FMNL2: variants seen among roughly 807,000 people sequenced by gnomAD.
FMNL2 encodes the protein formin like 2.
In FMNL2, 51 loss-of-function variants were observed where a neutral mutation model predicts 130.2. The observed-to-expected ratio is 0.39, with a 90% CI of 0.31 to 0.49. The LOEUF (loss-of-function observed/expected upper bound fraction) is 0.49, where lower values mean the gene tolerates loss of function less well. Among genes scored for constraint, FMNL2 ranks in the 20% least tolerant of loss-of-function variants. The pLI is 0.85. For missense variants in FMNL2, 977 were observed against 1,316.2 expected (o/e 0.74, Z 3.99); for synonymous variants, 465 against 467.1 (o/e 1.00, Z 0.06).
chr2:152,415,631 G>C (rs562313984), intron 1 of FMNL2, among the ~76,000 whole-genome samples: 1 of 146,646 alleles, frequency 6.8e-6, no homozygotes, highest in African/African-American at 2.5e-5. Context: ...GAGTTCAAGA[G>C]AATTTTTTCC....
intron 1 of FMNL2, among the ~76,000 whole-genome samples, chr2:152,458,604 A>G (rs1357443696): frequency 6.6e-6 from 1 of 152,212 alleles, no homozygotes; most frequent in Admixed American, 6.5e-5. Context: ...TGCTCTTTCC[A>G]TCTATACCAC....
At chr2:152,505,773 C>T (rs1182271980) in intron 1 of FMNL2, among the ~76,000 whole-genome samples, 2 of 152,192 alleles carry the variant, frequency 1.3e-5, no homozygotes, top group African/African-American at 4.8e-5. Context: ...AAACTGAAAC[C>T]CAGAATCACA....
At chr2:152,611,066 C>T (rs533400176) in intron 10 of FMNL2, among the ~76,000 whole-genome samples, 13 of 152,330 alleles carry the variant, frequency 8.5e-5, no homozygotes, top group Admixed American at 3.3e-4. Context: ...AGAGGCCGGG[C>T]GCAGTGGGTC....
In FMNL2 at chr2:152,619,672, G is replaced by C; in HGVS notation, c.1791G>C (p.Leu597=). Residue 597 remains leucine, a synonymous_variant, in exon 15 of 26, where the codon CTG becomes CTC. Transcript: ENST00000288670. ...CTCCCCTTCCCTCTGCACCTCCGCT[G>C]CCTGGAACATCTTCACCCACAGTGG... ...LAPPLPSAPP[L]PGTSSPTVVF... 1 of 1,609,260 alleles carries C rather than the reference G, an allele frequency of 6.2e-7. No individual in the cohort carries two copies. The highest frequency in any genetic ancestry group is 8.5e-7 in the Non-Finnish European group (1 of 1,177,904).
At chr2:152,490,697 T>C (rs1289560581) in intron 1 of FMNL2, among the ~76,000 whole-genome samples, 8 of 147,234 alleles carry the variant, frequency 5.4e-5, no homozygotes, top group African/African-American at 2.0e-4. Context: ...CCTTCCACAT[T>C]GGCTAAAACT....
chr2:152,396,785 G>A (rs191481572), intron 1 of FMNL2, among the ~76,000 whole-genome samples: 9 of 152,132 alleles, frequency 5.9e-5, no homozygotes, highest in African/African-American at 2.2e-4. Flanking sequence ...TCATGCTCAT[G>A]TGACTTTCCA....
intron 1 of FMNL2, among the ~76,000 whole-genome samples, chr2:152,473,120 G>T (rs2105190719): frequency 6.6e-6 from 1 of 152,296 alleles, no homozygotes; most frequent in South Asian, 2.1e-4. Context: ...ATATGGAAAA[G>T]AAATACAGTA....
At chr2:152,599,109 T>C (rs1697910303) in intron 9 of FMNL2, among the ~76,000 whole-genome samples, 1 of 152,224 alleles carries the variant, frequency 6.6e-6, no homozygotes, top group South Asian at 2.1e-4. Context: ...CCTCAGTGGA[T>C]TGGAGACGCC....
At chr2:152,554,737 G>GCTCA (rs946848636) in intron 4 of FMNL2, among the ~76,000 whole-genome samples, 4 of 152,120 alleles carry the variant, frequency 2.6e-5, no homozygotes, top group African/African-American at 9.7e-5. Flanking sequence ...GAAAGGATGG[G>GCTCA]CTCACTTCAT....
chr2:152,499,283 A>G (rs952568897), intron 1 of FMNL2, among the ~76,000 whole-genome samples: 2 of 152,218 alleles, frequency 1.3e-5, no homozygotes, highest in African/African-American at 4.8e-5. Flanking sequence ...GGCACAAAGG[A>G]ATGAATGAAT....
chr2:152,433,953 A>T (rs1226368876), intron 1 of FMNL2, among the ~76,000 whole-genome samples: 3 of 152,126 alleles, frequency 2.0e-5, no homozygotes, highest in Non-Finnish European at 4.4e-5. Context: ...CCAAACAACG[A>T]ATTATTATTA....
At chr2:152,449,376 A>G (rs542420821) in intron 1 of FMNL2, among the ~76,000 whole-genome samples, 1 of 152,178 alleles carries the variant, frequency 6.6e-6, no homozygotes, top group South Asian at 2.1e-4. Context: ...GGATTTTTCT[A>G]CCATCTAATG....
intron 1 of FMNL2, among the ~76,000 whole-genome samples, chr2:152,499,975 C>G (rs956189974): frequency 2.0e-5 from 3 of 152,060 alleles, no homozygotes; most frequent in African/African-American, 7.2e-5. Flanking sequence ...TTTCCTCTAG[C>G]CTGGAGGAAG....
At chr2:152,413,803 A>G (rs1483270617) in intron 1 of FMNL2, among the ~76,000 whole-genome samples, 1 of 152,206 alleles carries the variant, frequency 6.6e-6, no homozygotes, top group East Asian at 1.9e-4. Context: ...CATGGAGGCA[A>G]ACAAATGAGT....
chr2:152,343,243 G>C (rs1258792938), intron 1 of FMNL2, among the ~76,000 whole-genome samples: 2 of 152,192 alleles, frequency 1.3e-5, no homozygotes, highest in Non-Finnish European at 2.9e-5. Context: ...TGACTTCTGT[G>C]CATAGAAGAT....
At chr2:152,447,985 T>G (rs1426852748) in intron 1 of FMNL2, among the ~76,000 whole-genome samples, 1 of 152,216 alleles carries the variant, frequency 6.6e-6, no homozygotes, top group Non-Finnish European at 1.5e-5. Flanking sequence ...TTTTTAATAC[T>G]TAACTGTAAT....
At chr2:152,528,294 G>A (rs894137483) in intron 2 of FMNL2, among the ~76,000 whole-genome samples, 5 of 152,176 alleles carry the variant, frequency 3.3e-5, no homozygotes, top group Middle Eastern at 6.8e-3. Flanking sequence ...AGCGTCCTAC[G>A]GCTGCCATAA....
At chr2:152,499,855 C>G (rs1347337102) in intron 1 of FMNL2, among the ~76,000 whole-genome samples, 2 of 152,162 alleles carry the variant, frequency 1.3e-5, no homozygotes, top group Non-Finnish European at 2.9e-5. Flanking sequence ...TTTTGATGAT[C>G]TGGTGCTTTT....
chr2:152,433,291 G>A lies in FMNL2; in HGVS notation c.118-88652G>A, dbSNP rs376173060. 2.8e-4 allele frequency among the ~76,000 whole-genome samples: 42 copies of A among 152,266 alleles called. No homozygotes were observed. In the East Asian group the frequency reaches 7.7e-3, roughly 28 times the overall value. On this transcript the variant is annotated intron_variant, in intron 1 of 25. Coordinates refer to ENST00000288670, the MANE Select transcript of FMNL2 (RefSeq NM_052905.4). ...TACAATTCACTGCGTTTCAACTATT[G>A]CAAAATAACAGTATGCAAGAGTGTA...
Sources: allele counts gnomAD v4.1 joint callset (sites outside exome capture counted in the v4.1 genomes callset), GRCh38; gene constraint gnomAD v4.1.1; transcripts MANE v1.5; gene names NCBI Gene and HGNC (gene_info 2026-07-23, HGNC 2026-07-21).